Variants in DOP1B observed in about 807,000 individuals in gnomAD.
DOP1B encodes DOP1 leucine zipper like protein B.
DOP1B carries 174 observed loss-of-function variants against 233.5 expected under a neutral mutation model. The observed-to-expected ratio is 0.75, with a 90% confidence interval of 0.66 to 0.85. DOP1B has a LOEUF of 0.85. Ranked by LOEUF, DOP1B falls within the 40% of genes least tolerant of loss-of-function variation. The pLI, the probability that DOP1B is intolerant of heterozygous loss-of-function variation, is 0.00. For missense variants in DOP1B, 2,652 were observed against 2,846.6 expected, an observed-to-expected ratio of 0.93 and a Z score of 1.56; for synonymous variants, 1,190 against 1,185.6, an observed-to-expected ratio of 1.00 and a Z score of -0.08.
At chr21:36,240,087 A>C in intron 18 of DOP1B, 132 bp downstream of exon 18, 1 of 1,096,172 alleles carries the variant, frequency 9.1e-7, no homozygotes, top group East Asian at 2.7e-5. Flanking sequence ...GTAAATTGTG[A>C]GGACTTCGGC....
intron 27 of DOP1B, among the ~76,000 whole-genome samples, chr21:36,273,902 C>T (rs774293566): frequency 5.5e-4 from 83 of 152,052 alleles, no homozygotes; most frequent in Middle Eastern, 3.4e-3. Flanking sequence ...GGTGAAACCC[C>T]GTCTCTACTA....
chr21:36,243,870 T>C (rs1250857200), intron 18 of DOP1B, among the ~76,000 whole-genome samples: 1 of 151,864 alleles, frequency 6.6e-6, no homozygotes, highest in African/African-American at 2.4e-5. Flanking sequence ...ATGGAGTTTT[T>C]CCATGTTGCC....
intron 15 of DOP1B, 114 bp downstream of exon 15, chr21:36,233,189 A>G (rs2066788220): frequency 1.5e-6 from 2 of 1,335,456 alleles, no homozygotes; most frequent in African/African-American, 1.5e-5. Context: ...GTGATATTCT[A>G]TAGGGCACTG....
At chr21:36,196,846 G>C (rs1291017111) in intron 2 of DOP1B, among the ~76,000 whole-genome samples, 1 of 152,140 alleles carries the variant, frequency 6.6e-6, no homozygotes, top group Non-Finnish European at 1.5e-5. Flanking sequence ...CTGGAACCTG[G>C]AGGTTGAAGC....
chr21:36,207,483 CCAAA>C (rs1317992868), intron 4 of DOP1B, among the ~76,000 whole-genome samples: 1 of 150,332 alleles, frequency 6.7e-6, no homozygotes, highest in Non-Finnish European at 1.5e-5. Flanking sequence ...CCACGCCCAG[CCAAA>C]CAGTTTTTTT....
At chr21:36,263,319 A>C (rs556063159) in intron 24 of DOP1B, among the ~76,000 whole-genome samples, 2 of 151,726 alleles carry the variant, frequency 1.3e-5, no homozygotes, top group South Asian at 4.2e-4. Context: ...AGAAACCAGG[A>C]GTATCTCACC....
At chr21:36,284,800 A>G (rs1436953231) in intron 32 of DOP1B, among the ~76,000 whole-genome samples, 1 of 151,346 alleles carries the variant, frequency 6.6e-6, no homozygotes, top group Non-Finnish European at 1.5e-5. Flanking sequence ...AATAGAATAT[A>G]TATATAAAAA....
chr21:36,274,110 T>G (rs979861607), intron 27 of DOP1B, among the ~76,000 whole-genome samples: 2 of 152,090 alleles, frequency 1.3e-5, no homozygotes, highest in Non-Finnish European at 2.9e-5. Context: ...AGCTTGGATT[T>G]CATCCCACTT....
chr21:36,238,825 G>A (rs192369449), intron 17 of DOP1B, 124 bp downstream of exon 17: 9 of 899,572 alleles, frequency 1.0e-5, no homozygotes, highest in Middle Eastern at 3.2e-4. Context: ...CCATATGACC[G>A]GGTGTGGTGG....
chr21:36,292,256 CTTTTTTT>C, intron 36 of DOP1B, 23 bp downstream of exon 36: 1 of 1,334,832 alleles, frequency 7.5e-7, no homozygotes, highest in Non-Finnish European at 9.9e-7. Flanking sequence ...CTTTTCTTTT[CTTTTTTT>C]TTTTTTTTGG....
At chr21:36,257,971 GTAGA>G (rs1034970249) in intron 23 of DOP1B, among the ~76,000 whole-genome samples, 2 of 107,162 alleles carry the variant, frequency 1.9e-5, no homozygotes, top group Non-Finnish European at 4.0e-5. Context: ...AGGTAGGTAG[GTAGA>G]TGTAGGTAGG....
At chr21:36,275,715 C>A (rs1472506534) in intron 27 of DOP1B, among the ~76,000 whole-genome samples, 1 of 152,052 alleles carries the variant, frequency 6.6e-6, no homozygotes, top group Non-Finnish European at 1.5e-5. Context: ...GATTCATGGT[C>A]ATGACATAAA....
intron 2 of DOP1B, among the ~76,000 whole-genome samples, chr21:36,166,916 G>T (rs934467666): frequency 2.0e-5 from 3 of 152,196 alleles, no homozygotes; most frequent in Admixed American, 6.5e-5. Context: ...TCACGGCTCC[G>T]TGCTGGCTGG....
chr21:36,177,316 TG>T (rs1287316431), intron 2 of DOP1B, among the ~76,000 whole-genome samples: 3 of 152,226 alleles, frequency 2.0e-5, no homozygotes, highest in African/African-American at 7.2e-5. Context: ...AAGATCGAGA[TG>T]GTCTTTTTGA....
rs571218550 is a variant in DOP1B at position 36,239,893 on chromosome 21, T to C, written c.3005T>C (p.Leu1002Pro). 1.9e-6 allele frequency: 3 copies of C among 1,608,426 alleles called. No homozygotes were observed. The South Asian group carries it at 3.3e-5, about 18-fold the overall frequency. Reference sequence around the variant, plus strand: ...CGCATCCTCGAACCCGTGCTCCTGCTGCTGCTGCAGCCAAAAACCCAGAGA... The same window carrying C: ...CGCATCCTCGAACCCGTGCTCCTGCCGCTGCTGCAGCCAAAAACCCAGAGA... ...VARILEPVLL[L>P]LLQPKTQRTS... The change falls in exon 18 of 37, where the codon CTG becomes CCG. Residue 1002 changes from leucine (L) to proline (P), a missense_variant. Around this residue, in one of 3 missense-constraint regions of DOP1B, gnomAD observed 2,617 missense variants for 2,794.3 expected, o/e 0.94. Transcript: ENST00000691173.
intron 20 of DOP1B, 94 bp from the exon 21 acceptor site, chr21:36,248,286 G>T: frequency 7.4e-7 from 1 of 1,357,326 alleles, no homozygotes. Flanking sequence ...GAGTCCAACA[G>T]CCCAGACCTA....
rs117952108 is a variant in DOP1B at position 36,246,507 on chromosome 21, C to T, written c.4527C>T (p.Pro1509=). 11,186 of 1,614,102 alleles carry T rather than the reference C, an allele frequency of 6.9e-3. 53 individuals carry two copies. The highest frequency in any genetic ancestry group is 8.9e-3 in the Non-Finnish European group (10,480 of 1,180,022). ...LVSAVVRGLQ[P]AYGYGMHPAW... ...CTGCGGTGGTGAGGGGTCTGCAGCC[C>T]GCCTACGGTTACGGCATGCATCCGG... The change falls in exon 19 of 37, where the codon CCC becomes CCT. Residue 1509 remains proline, a synonymous_variant. Transcript: ENST00000691173. This position sits in a 1 kb window ranked among gnomAD's most constrained non-coding sequence, Gnocchi z 5.1.
chr21:36,271,936 C>T (rs527518444), intron 27 of DOP1B, among the ~76,000 whole-genome samples: 1,584 of 134,584 alleles, frequency 0.012, 17 homozygotes, highest in Non-Finnish European at 0.018. Flanking sequence ...ACAAATGATC[C>T]TTTTTTTTTT....
rs1223306054 is a variant in DOP1B, at chr21:36,202,282, T to A, written c.491+1781T>A. ...TATAAAGTAAGAACTCACTTCCAGC[T>A]TATTAACTCTTCTGAGAGATGCCAC... is the stretch of plus-strand genomic sequence containing the variant. On this transcript the variant is annotated intron_variant, in intron 4 of 36. Transcript: ENST00000691173. 2.0e-5 allele frequency among the ~76,000 whole-genome samples: 3 copies of A among 152,332 alleles called. No individual in the cohort carries two copies. In the East Asian group the frequency reaches 5.8e-4, roughly 29 times the overall value.
Sources: gnomAD v4.1 joint callset for allele counts (sites outside exome capture counted in the v4.1 genomes callset) on GRCh38, gnomAD v4.1.1 for gene constraint, gnomAD v4.1.1 regional missense constraint, Gnocchi (gnomAD v3.1) non-coding constraint, MANE v1.5 for transcripts, NCBI Gene and HGNC (gene_info 2026-07-23, HGNC 2026-07-21) for gene names.